The following MORC1 variants were observed in gnomAD, a reference collection of about 807,000 sequenced individuals.
MORC1 encodes MORC family CW-type zinc finger 1.
MORC1 carries 59 observed loss-of-function variants against 134.9 expected under a neutral mutation model. That is an observed-to-expected ratio of 0.44 (90% CI 0.35 to 0.54). MORC1 has a LOEUF of 0.54. Ranked by LOEUF, MORC1 falls within the 20% of genes least tolerant of loss-of-function variation. The pLI is 0.00. For missense variants in MORC1, 947 were observed against 1,134.5 expected (o/e 0.83, Z 2.37); for synonymous variants, 395 against 391.7 (o/e 1.01, Z -0.10).
intron 17 of MORC1, among the ~76,000 whole-genome samples, chr3:109,018,206 T>C (rs1323222237): frequency 2.0e-5 from 3 of 152,162 alleles, no homozygotes; most frequent in African/African-American, 7.2e-5. Flanking sequence ...ATCAATTCTT[T>C]GTGGGACTAT....
chr3:109,045,401 T>G (rs1016851525), intron 14 of MORC1, among the ~76,000 whole-genome samples: 1 of 152,196 alleles, frequency 6.6e-6, no homozygotes, highest in Middle Eastern at 3.2e-3. Flanking sequence ...CTTATCATCT[T>G]TGTTCTTAAT....
chr3:108,984,913 T>C, intron 22 of MORC1, 131 bp from the exon 23 acceptor site: 1 of 634,308 alleles, frequency 1.6e-6, no homozygotes, highest in Non-Finnish European at 2.6e-6. Flanking sequence ...TTTATAAAAC[T>C]GTACCAGTTG....
At chr3:109,019,888 T>C (rs7644088) in intron 17 of MORC1, among the ~76,000 whole-genome samples, 64,285 of 152,042 alleles carry the variant, frequency 0.42, 14,306 homozygotes, top group Middle Eastern at 0.55. Flanking sequence ...TATGGAAATC[T>C]TGGGGGAGAG....
chr3:109,057,229 G>C, intron 13 of MORC1, 114 bp downstream of exon 13: 1 of 1,095,704 alleles, frequency 9.1e-7, no homozygotes, highest in East Asian at 2.6e-5. Flanking sequence ...AGGGTGAACA[G>C]AGACTATGAC....
At chr3:109,031,879 C>T (rs892814600) in intron 16 of MORC1, among the ~76,000 whole-genome samples, 12 of 151,936 alleles carry the variant, frequency 7.9e-5, no homozygotes, top group African/African-American at 2.2e-4. Flanking sequence ...GAAAGGGATA[C>T]GAAAAAACCT....
intron 14 of MORC1, among the ~76,000 whole-genome samples, chr3:109,043,189 G>T (rs1327309883): frequency 2.8e-4 from 4 of 14,286 alleles, no homozygotes; most frequent in Non-Finnish European, 5.7e-4. Flanking sequence ...GGCAAAATGT[G>T]GGGGGGGGGG....
intron 8 of MORC1, among the ~76,000 whole-genome samples, chr3:109,072,962 C>CACAT (rs199659755): frequency 5.4e-4 from 10 of 18,464 alleles, no homozygotes; most frequent in Non-Finnish European, 2.1e-3. Context: ...CACACACACA[C>CACAT]ACATACACAC....
chr3:109,077,619 CT>C (rs1020137907), intron 8 of MORC1, among the ~76,000 whole-genome samples: 1 of 151,924 alleles, frequency 6.6e-6, no homozygotes, highest in Non-Finnish European at 1.5e-5. Flanking sequence ...TAAACTTTTC[CT>C]TTTGGGAAAA....
intron 1 of MORC1, among the ~76,000 whole-genome samples, chr3:109,117,747 T>A (rs1218471632): frequency 2.0e-5 from 3 of 152,220 alleles, no homozygotes; most frequent in Admixed American, 2.0e-4. Flanking sequence ...AACAGTTGTG[T>A]TAAATGATAA....
intron 16 of MORC1, 85 bp downstream of exon 16, chr3:109,032,635 T>C (rs941673689): frequency 3.2e-6 from 3 of 931,798 alleles, no homozygotes; most frequent in Non-Finnish European, 4.8e-6. Flanking sequence ...AAATCTATAT[T>C]ATAGATTGAC....
chr3:108,978,865 T>C (rs1284096312), intron 24 of MORC1, among the ~76,000 whole-genome samples: 3 of 152,052 alleles, frequency 2.0e-5, no homozygotes, highest in Non-Finnish European at 2.9e-5. Flanking sequence ...ACAAAACCAA[T>C]GAGGTACATT....
Position 108,961,855 on chromosome 3 carries a change from T to A in MORC1, c.2799+1559A>T, listed in dbSNP as rs183437980. Among the ~76,000 whole-genome samples, 3 of 152,370 alleles carry A rather than the reference T, an allele frequency of 2.0e-5. No homozygotes were observed. The East Asian group carries it at 5.8e-4, about 29-fold the overall frequency. On this transcript the variant is annotated intron_variant, in intron 27 of 27. Transcript: ENST00000232603. ...AGTTTTTCTTAGCCTAACGTGGATTTGCTATTATGAAAGCCAATTATTTTA... is the reference window on the plus strand; with the variant it reads ...AGTTTTTCTTAGCCTAACGTGGATTAGCTATTATGAAAGCCAATTATTTTA...
intron 25 of MORC1, among the ~76,000 whole-genome samples, chr3:108,970,637 T>A (rs923145050): frequency 2.0e-5 from 3 of 152,168 alleles, no homozygotes; most frequent in African/African-American, 7.2e-5. Context: ...ATCCATCATC[T>A]CCACAGGCAA....
chr3:108,990,306 G>A (rs531178454), intron 21 of MORC1, among the ~76,000 whole-genome samples: 1 of 152,242 alleles, frequency 6.6e-6, no homozygotes, highest in South Asian at 2.1e-4. Flanking sequence ...ACAGGTGAGA[G>A]AGAGTGATGC....
chr3:109,088,015 C>T (rs1397908321), intron 8 of MORC1, among the ~76,000 whole-genome samples: 1 of 152,082 alleles, frequency 6.6e-6, no homozygotes, highest in Non-Finnish European at 1.5e-5. Flanking sequence ...GGATAACTGG[C>T]TAGCCATATG....
chr3:109,065,230 T>C (rs938600824), intron 9 of MORC1, among the ~76,000 whole-genome samples: 3 of 151,766 alleles, frequency 2.0e-5, no homozygotes, highest in Non-Finnish European at 4.4e-5. Context: ...ATGCCACTCC[T>C]CTGCTCAAGT....
intron 14 of MORC1, among the ~76,000 whole-genome samples, chr3:109,053,151 G>A (rs1040886766): frequency 2.0e-5 from 3 of 151,788 alleles, no homozygotes; most frequent in Admixed American, 6.6e-5. Context: ...GAGAGAAAGG[G>A]ACACTTACAC....
At chr3:109,017,534 TACATTTCAACTA>T (rs1948844824) in intron 17 of MORC1, among the ~76,000 whole-genome samples, 1 of 152,230 alleles carries the variant, frequency 6.6e-6, no homozygotes, top group East Asian at 1.9e-4. Flanking sequence ...CACTAATAGA[TACATTTCAACTA>T]ATAGATGAAG....
At chr3:109,029,445 T>C (rs1006521710) in intron 16 of MORC1, among the ~76,000 whole-genome samples, 4 of 152,342 alleles carry the variant, frequency 2.6e-5, no homozygotes, top group East Asian at 1.9e-4. Flanking sequence ...TTAAAGATGT[T>C]TGGAAATGAA....
Sources: gnomAD v4.1 joint callset for allele counts (sites outside exome capture counted in the v4.1 genomes callset) on GRCh38, gnomAD v4.1.1 for gene constraint, MANE v1.5 for transcripts, NCBI Gene and HGNC (gene_info 2026-07-23, HGNC 2026-07-21) for gene names.